Variants in PREX1 observed in about 807,000 individuals in gnomAD.
PREX1 encodes phosphatidylinositol 3,4,5-trisphosphate-dependent Rac exchanger 1 protein.
PREX1 carries 41 observed loss-of-function variants against 198.3 expected under a neutral mutation model. That is an observed-to-expected ratio of 0.21 (90% CI 0.16 to 0.27). The LOEUF is 0.27. Ranked by LOEUF, PREX1 falls within the 10% of genes least tolerant of loss-of-function variation. The pLI, the probability that PREX1 is intolerant of heterozygous loss-of-function variation, is 1.00. For synonymous variants in PREX1, 843 were observed against 887.2 expected (o/e 0.95, Z 0.89); for missense variants, 1,620 against 2,200.7 (o/e 0.74, Z 5.28).
intron 1 of PREX1, among the ~76,000 whole-genome samples, chr20:48,761,295 A>G (rs1449128140): frequency 1.3e-5 from 2 of 152,192 alleles, no homozygotes; most frequent in Non-Finnish European, 2.9e-5. Flanking sequence ...ATGTGTGTTT[A>G]TATCAGTCTA....
chr20:48,632,340 T>C lies in PREX1; in HGVS notation c.4463A>G (p.Asp1488Gly), dbSNP rs559776445. The change falls in exon 35 of 40, where the codon GAT (aspartate) becomes GGT (glycine). Residue 1488 changes from aspartate (D) to glycine (G), a missense_variant. Physicochemically the swap from Asp to Gly is moderately conservative, Grantham distance 94. Transcript: ENST00000371941. ...LPSPGSQAAE[D>G]LQQDINAQSL... ...CTGCGCGTTGATGTCCTGCTGCAAA[T>C]CCTCCGCGGCCTGGCTGCCTGGAGA... is the stretch of plus-strand genomic sequence containing the variant. 6.2e-7 allele frequency: 1 copy of C among 1,614,028 alleles called. No individual in the cohort carries two copies. The highest frequency in any genetic ancestry group is 1.7e-5 in the Admixed American group (1 of 60,030).
intron 7 of PREX1, among the ~76,000 whole-genome samples, chr20:48,698,938 CAG>C (rs1324387038): frequency 6.6e-6 from 1 of 152,210 alleles, no homozygotes; most frequent in Non-Finnish European, 1.5e-5. Flanking sequence ...GGCAAAGTCA[CAG>C]AGCTACAAAA....
In PREX1 at chr20:48,735,597, A is replaced by ATAGTACAGGCTGCCCAGCATG. The variant is rs912027421; in HGVS notation, c.415-968_415-948dup. 4.9e-3 allele frequency among the ~76,000 whole-genome samples: 744 copies of ATAGTACAGGCTGCCCAGCATG among 151,908 alleles called. 9 individuals carry two copies. The highest frequency in any genetic ancestry group is 0.035 in the East Asian group (178 of 5,112). On this transcript the variant is annotated intron_variant, in intron 3 of 39. Coordinates refer to ENST00000371941, the MANE Select transcript of PREX1 (RefSeq NM_020820.4). ...CTAACACAGAGTACATACCCAGCAC[A>ATAGTACAGGCTGCCCAGCATG]TAGTACAGGCTGCCCAGCATGTAGT...
intron 1 of PREX1, among the ~76,000 whole-genome samples, chr20:48,790,432 GA>G (rs1263768619): frequency 6.6e-6 from 1 of 151,718 alleles, no homozygotes; most frequent in Non-Finnish European, 1.5e-5. Flanking sequence ...AGGCTCCAAG[GA>G]AAAAGGAGGG....
chr20:48,823,883 G>A (rs1312638499), intron 1 of PREX1, among the ~76,000 whole-genome samples: 2 of 152,200 alleles, frequency 1.3e-5, no homozygotes, highest in Non-Finnish European at 2.9e-5. Context: ...CTGACCCAGA[G>A]CAGCTCACTT....
Position 48,696,978 on chromosome 20 carries a change from AC to A in PREX1, c.917+3774del, listed in dbSNP as rs1474691913. On this transcript the variant is annotated intron_variant, in intron 7 of 39. Coordinates refer to ENST00000371941, the MANE Select transcript of PREX1 (RefSeq NM_020820.4). ...TCAACTGCTTATTATAAATCTCTTT[AC>A]ACACACACACACACACACACACACC... 2.3e-4 allele frequency among the ~76,000 whole-genome samples: 7 copies of A among 30,046 alleles called. No individual in the cohort carries two copies. In the African/African-American group the frequency reaches 4.3e-3, roughly 19 times the overall value. The allele number at this position is 30,046 out of a possible 152,430, so 19.7% of individuals were successfully genotyped here.
chr20:48,813,230 T>C (rs1176401337), intron 1 of PREX1, among the ~76,000 whole-genome samples: 1 of 152,210 alleles, frequency 6.6e-6, no homozygotes, highest in Non-Finnish European at 1.5e-5. Context: ...CCCCATTTTA[T>C]AGCTGAAGAA....
At chr20:48,744,219 TG>T (rs1338560112) in intron 3 of PREX1, among the ~76,000 whole-genome samples, 1 of 152,168 alleles carries the variant, frequency 6.6e-6, no homozygotes. Context: ...AAAATGTGTC[TG>T]GACATTGCCC....
chr20:48,826,393 C>T (rs535613550), intron 1 of PREX1, among the ~76,000 whole-genome samples: 9 of 152,242 alleles, frequency 5.9e-5, no homozygotes, highest in Non-Finnish European at 1.0e-4. Flanking sequence ...GGGAAGTGGC[C>T]CCTTCCTCCC....
Position 48,651,050 on chromosome 20 carries a change from G to C in PREX1, c.2661C>G (p.Leu887=), listed in dbSNP as rs780759582. The part of the protein sequence containing the change: ...RGCFGLTAKI[L]EAFAANDSVF... ...CGCTGTCATTGGCAGCAAAGGCCTC[G>C]AGGATCTGCAGAAATGTCAACAGCT... The change falls in exon 23 of 40, where the codon CTC becomes CTG. Residue 887 remains leucine, a synonymous_variant. Coordinates refer to ENST00000371941, the MANE Select transcript of PREX1 (RefSeq NM_020820.4). The C allele has an allele frequency of 1.2e-6, 2 of 1,613,942 alleles. No individual in the cohort carries two copies. The highest frequency in any genetic ancestry group is 1.7e-6 in the Non-Finnish European group (2 of 1,179,986).
At chr20:48,814,670 G>T (rs1213349731) in intron 1 of PREX1, among the ~76,000 whole-genome samples, 1 of 152,144 alleles carries the variant, frequency 6.6e-6, no homozygotes, top group African/African-American at 2.4e-5. Context: ...TAAGGAGCTG[G>T]GATTCGATTA....
In PREX1 at chr20:48,659,721, C is replaced by G. The variant is rs73911616; in HGVS notation, c.1881+198G>C. On this transcript the variant is annotated intron_variant, in intron 16 of 39. Transcript: ENST00000371941. Reference sequence around the variant, plus strand: ...AGAAAGGGAGACCTGCAAGCCCAATCTCTTTTGTTAGGAGGGTAGTCTCAG... The same window carrying G: ...AGAAAGGGAGACCTGCAAGCCCAATGTCTTTTGTTAGGAGGGTAGTCTCAG... 1.6e-3 allele frequency among the ~76,000 whole-genome samples: 248 copies of G among 152,290 alleles called. 1 individual carries two copies. The highest frequency in any genetic ancestry group is 5.8e-3 in the African/African-American group (239 of 41,562).
At chr20:48,769,919 A>G (rs1555140) in intron 1 of PREX1, among the ~76,000 whole-genome samples, 51,503 of 152,074 alleles carry the variant, frequency 0.34, 10,030 homozygotes, top group Non-Finnish European at 0.43. Flanking sequence ...ACGGTGAGGG[A>G]GAGAGCTTTT....
chr20:48,633,987 T>TTGGATGGA (rs570120970), intron 33 of PREX1, among the ~76,000 whole-genome samples: 1 of 150,352 alleles, frequency 6.7e-6, no homozygotes, highest in South Asian at 2.1e-4. Flanking sequence ...TGGATGATGG[T>TTGGATGGA]TGGATGGATG....
intron 1 of PREX1, among the ~76,000 whole-genome samples, chr20:48,758,343 GCAGA>G (rs1767996827): frequency 2.0e-5 from 3 of 152,328 alleles, no homozygotes; most frequent in Non-Finnish European, 4.4e-5. Context: ...GCAGCTCAGA[GCAGA>G]CAAAGCCATC....
chr20:48,761,664 G>A (rs1317177199), intron 1 of PREX1, among the ~76,000 whole-genome samples: 2 of 152,110 alleles, frequency 1.3e-5, no homozygotes, highest in South Asian at 2.1e-4. Context: ...TTTTCTTCAC[G>A]CAGCCCCCAT....
At chr20:48,628,137 C>A (rs974408489) in intron 37 of PREX1, among the ~76,000 whole-genome samples, 174 bp from the exon 38 acceptor site, 2 of 152,144 alleles carry the variant, frequency 1.3e-5, no homozygotes, top group African/African-American at 4.8e-5. Context: ...TCCCTCCCCG[C>A]TTGCTCCTCT....
At chr20:48,856,440 C>A in the PREX1 span, among the ~76,000 whole-genome samples, 5 of 152,122 alleles carry the variant, frequency 3.3e-5, no homozygotes. Context: ...ACTGAGAGAG[C>A]CCAAACTTCA....
chr20:48,634,561 G>C (rs1425290230), intron 33 of PREX1, 115 bp downstream of exon 33: 30 of 1,006,624 alleles, frequency 3.0e-5, no homozygotes, highest in Non-Finnish European at 4.3e-5. Context: ...TGAGTACTGA[G>C]CCCACCTTGG....
Sources: gnomAD v4.1 joint callset for allele counts (sites outside exome capture counted in the v4.1 genomes callset) on GRCh38, gnomAD v4.1.1 for gene constraint, MANE v1.5 for transcripts, NCBI Gene and HGNC (gene_info 2026-07-23, HGNC 2026-07-21) for gene names.